LCLAT1: variants seen among roughly 807,000 people sequenced by gnomAD.
LCLAT1 encodes lysocardiolipin acyltransferase 1.
A neutral mutation model predicts 30.7 loss-of-function variants in LCLAT1; 11 were observed. The observed-to-expected ratio is 0.36, with a 90% confidence interval of 0.23 to 0.59. The LOEUF (loss-of-function observed/expected upper bound fraction) is 0.59, where lower values mean the gene tolerates loss of function less well. Among genes scored for constraint, LCLAT1 ranks in the 20% least tolerant of loss-of-function variants. The pLI is 0.77. For missense variants in LCLAT1, 402 were observed against 458.6 expected (o/e 0.88, Z 1.13); for synonymous variants, 155 against 151.3 (o/e 1.02, Z -0.18).
intron 5 of LCLAT1, among the ~76,000 whole-genome samples, chr2:30,626,797 C>G (rs1323020760): frequency 6.6e-6 from 1 of 151,816 alleles, no homozygotes; most frequent in East Asian, 1.9e-4. Context: ...TTGCAGTCTT[C>G]ATTGTATCCT....
At chr2:30,580,382 C>A (rs1666162534) in intron 5 of LCLAT1, among the ~76,000 whole-genome samples, 2 of 152,276 alleles carry the variant, frequency 1.3e-5, no homozygotes, top group Non-Finnish European at 2.9e-5. Context: ...CTAGTAACAT[C>A]TTTGAACGTA....
intron 2 of LCLAT1, among the ~76,000 whole-genome samples, chr2:30,531,133 C>T (rs1475485193): frequency 1.3e-5 from 2 of 151,956 alleles, no homozygotes; most frequent in Non-Finnish European, 1.5e-5. Context: ...GGTGTGGTGG[C>T]GGGCACCTGT....
At chr2:30,602,991 A>C (rs1037929485) in intron 5 of LCLAT1, among the ~76,000 whole-genome samples, 1 of 152,214 alleles carries the variant, frequency 6.6e-6, no homozygotes, top group Non-Finnish European at 1.5e-5. Context: ...TCATAATTCC[A>C]TGTCTTATTA....
chr2:30,471,454 C>T (rs1183452433), intron 1 of LCLAT1, among the ~76,000 whole-genome samples: 7 of 151,854 alleles, frequency 4.6e-5, no homozygotes, highest in African/African-American at 1.7e-4. Context: ...AAGTGATCCA[C>T]CCGCCTCAGC....
At position 30,501,088 on chromosome 2, in the gene LCLAT1, GTGTGTGTGTA is replaced by G. The variant is rs1247211476; in HGVS notation, c.-4-24489_-4-24480del. Among the ~76,000 whole-genome samples, 37 of 25,320 alleles carry G rather than the reference GTGTGTGTGTA, an allele frequency of 1.5e-3. No homozygotes were observed. The East Asian group carries it at 0.024, about 17-fold the overall frequency. 16.6% of individuals were successfully genotyped at this position (25,320 alleles called of 152,430 possible). A position where few individuals can be genotyped will look rare whatever the true frequency, so the allele number is the denominator to read the frequency against. ...GTTTTGTTTTGTTCTGTGTGTGTGTGTGTGTGTGTATGTGTGTGTGTGTGTGTGTGTGTAG... is the reference window on the plus strand; with the variant it reads ...GTTTTGTTTTGTTCTGTGTGTGTGTGTGTGTGTGTGTGTGTGTGTGTGTAG... On this transcript the variant is annotated intron_variant, in intron 1 of 5. Transcript: ENST00000379509.
At chr2:30,590,641 C>T (rs189414367) in intron 5 of LCLAT1, among the ~76,000 whole-genome samples, 27 of 151,404 alleles carry the variant, frequency 1.8e-4, no homozygotes, top group African/African-American at 6.0e-4. Flanking sequence ...GGAAACTTGA[C>T]ATTAAAACAG....
chr2:30,570,764 A>C (rs898252505), intron 5 of LCLAT1, among the ~76,000 whole-genome samples: 1 of 152,256 alleles, frequency 6.6e-6, no homozygotes, highest in African/African-American at 2.4e-5. Context: ...AAATGGCCAG[A>C]ACACGGAGAG....
chr2:30,463,167 T>C (rs1324646572), intron 1 of LCLAT1, among the ~76,000 whole-genome samples: 3 of 151,808 alleles, frequency 2.0e-5, no homozygotes, highest in Admixed American at 6.6e-5. Flanking sequence ...ATAAAAAATA[T>C]ATGAAGAACA....
chr2:30,530,191 T>A (rs1172958822), intron 2 of LCLAT1, among the ~76,000 whole-genome samples: 2 of 152,242 alleles, frequency 1.3e-5, no homozygotes, highest in African/African-American at 4.8e-5. Flanking sequence ...AAAATTTTGT[T>A]AGATTTATTA....
chr2:30,573,335 T>G (rs1665864755), intron 5 of LCLAT1, among the ~76,000 whole-genome samples: 2 of 152,342 alleles, frequency 1.3e-5, no homozygotes, highest in Middle Eastern at 3.4e-3. Flanking sequence ...TTTCTAGCTC[T>G]GGTCTTGACT....
chr2:30,604,902 A>G (rs1471431078), intron 5 of LCLAT1, among the ~76,000 whole-genome samples: 1 of 152,202 alleles, frequency 6.6e-6, no homozygotes, highest in Non-Finnish European at 1.5e-5. Context: ...ATTTCTACAA[A>G]TTAGAGCTGC....
chr2:30,638,935 G>T (rs528795099), intron 5 of LCLAT1, among the ~76,000 whole-genome samples: 1 of 151,670 alleles, frequency 6.6e-6, no homozygotes, highest in Non-Finnish European at 1.5e-5. Flanking sequence ...CTGCTGTATT[G>T]TAGTAGCCAT....
Position 30,533,014 on chromosome 2 carries a change from T to C in LCLAT1, c.166-102T>C, listed in dbSNP as rs919817394. 3 of 850,698 alleles carry C rather than the reference T, an allele frequency of 3.5e-6. No homozygotes were observed. The African/African-American group carries it at 5.1e-5, about 14-fold the overall frequency. The allele number at this position is 850,698 out of a possible 1,614,324, so 52.7% of individuals were successfully genotyped here. A position where few individuals can be genotyped will look rare whatever the true frequency, so the allele number is the denominator to read the frequency against. ...GCAAGGATCATGGGAAATACTAACT[T>C]TTACATGTTAGAAATCATAAGATTT... On this transcript the variant is annotated intron_variant, in intron 2 of 5. Coordinates refer to ENST00000379509, the MANE Select transcript of LCLAT1 (RefSeq NM_001002257.3).
At chr2:30,458,333 A>G (rs868144553) in intron 1 of LCLAT1, among the ~76,000 whole-genome samples, 5 of 152,204 alleles carry the variant, frequency 3.3e-5, no homozygotes, top group Non-Finnish European at 7.3e-5. Context: ...GAAGTGTGCT[A>G]TGATCTTTTT....
chr2:30,613,357 G>A (rs965936854), intron 5 of LCLAT1, among the ~76,000 whole-genome samples: 15 of 152,110 alleles, frequency 9.9e-5, no homozygotes, highest in African/African-American at 3.6e-4. Context: ...TGGGCAAACA[G>A]AGAAACCAAT....
intron 1 of LCLAT1, among the ~76,000 whole-genome samples, chr2:30,486,623 C>G (rs986207426): frequency 3.3e-5 from 5 of 152,174 alleles, no homozygotes; most frequent in Non-Finnish European, 5.9e-5. Flanking sequence ...CAGAGACTAC[C>G]AAATTCCTAC....
chr2:30,633,586 G>A (rs1572723113), intron 5 of LCLAT1, among the ~76,000 whole-genome samples: 2 of 152,158 alleles, frequency 1.3e-5, no homozygotes, highest in Non-Finnish European at 2.9e-5. Flanking sequence ...TTGGGAGGCT[G>A]AGGCAGGAGA....
chr2:30,642,797 T>C lies in LCLAT1; in HGVS notation c.*2178T>C, dbSNP rs1234867380. The C allele has an allele frequency of 7.6e-6, 1 of 131,768 alleles. No individual in the cohort carries two copies. The highest frequency in any genetic ancestry group is 2.3e-4 in the East Asian group (1 of 4,442). The allele number at this position is 131,768 out of a possible 1,614,324, so 8.2% of individuals were successfully genotyped here. On this transcript the variant is annotated 3_prime_UTR_variant, in exon 6 of 6. Transcript: ENST00000379509. ...AATTCATAAAGTACATTTAGTGCTG[T>C]ATAGCACTAAAACTTAGAGATACAG...
chr2:30,565,581 T>G (rs756342263), intron 4 of LCLAT1, among the ~76,000 whole-genome samples: 1 of 152,192 alleles, frequency 6.6e-6, no homozygotes, highest in Non-Finnish European at 1.5e-5. Context: ...TTTGGAAAGA[T>G]TCTAACAATT....
Sources: allele counts gnomAD v4.1 joint callset (sites outside exome capture counted in the v4.1 genomes callset), GRCh38; gene constraint gnomAD v4.1.1; transcripts MANE v1.5; gene names NCBI Gene and HGNC (gene_info 2026-07-23, HGNC 2026-07-21).